Variants in LRRTM4 observed in about 807,000 individuals in gnomAD.
LRRTM4 encodes leucine-rich repeat transmembrane neuronal protein 4.
In LRRTM4, 25 loss-of-function variants were observed where a neutral mutation model predicts 47.6. The observed-to-expected ratio is 0.53, with a 90% CI of 0.38 to 0.73. LRRTM4 has a LOEUF of 0.73. LRRTM4 is among the 30% of genes least tolerant of loss of function. LRRTM4 has a pLI of 0.00. For synonymous variants in LRRTM4, 311 were observed against 269.5 expected (o/e 1.15, Z -1.51); for missense variants, 638 against 713.4 (o/e 0.89, Z 1.20).
intron 3 of LRRTM4, among the ~76,000 whole-genome samples, chr2:76,959,763 G>A (rs925214926): frequency 6.6e-6 from 1 of 151,658 alleles, no homozygotes; most frequent in Non-Finnish European, 1.5e-5. Context: ...GATTATAATG[G>A]TGAGTAGCAA....
intron 3 of LRRTM4, among the ~76,000 whole-genome samples, chr2:77,465,406 G>A (rs1023033715): frequency 3.3e-5 from 5 of 152,066 alleles, no homozygotes; most frequent in African/African-American, 7.2e-5. Flanking sequence ...TTGACACAGC[G>A]TTTCCCCATT....
In LRRTM4 at chr2:76,803,168, C is replaced by G. The variant is rs375547748; in HGVS notation, c.1552-54252G>C. 2.6e-5 allele frequency among the ~76,000 whole-genome samples: 4 copies of G among 152,064 alleles called. No individual in the cohort carries two copies. In the East Asian group the frequency reaches 7.7e-4, roughly 29 times the overall value. ...CAGGGACAGAGTGAAGGGACAATCT[C>G]CAGGATAAAAGTATTTGCAAACCAC... is the stretch of plus-strand genomic sequence containing the variant. On this transcript the variant is annotated intron_variant, in intron 3 of 3. Coordinates refer to ENST00000409884, the MANE Select transcript of LRRTM4 (RefSeq NM_001134745.3).
intron 3 of LRRTM4, among the ~76,000 whole-genome samples, chr2:77,321,665 A>G (rs1207840832): frequency 1.3e-5 from 2 of 152,096 alleles, no homozygotes; most frequent in African/African-American, 2.4e-5. Flanking sequence ...CATATTTTAT[A>G]TTAGATAGAT....
intron 3 of LRRTM4, among the ~76,000 whole-genome samples, chr2:77,373,083 A>AT (rs1247066220): frequency 5.9e-4 from 78 of 131,944 alleles, no homozygotes; most frequent in African/African-American, 1.9e-3. Context: ...AACAATTAAA[A>AT]AAAAAATATA....
chr2:76,792,620 T>G (rs1276543059), intron 3 of LRRTM4, among the ~76,000 whole-genome samples: 1 of 152,112 alleles, frequency 6.6e-6, no homozygotes, highest in Non-Finnish European at 1.5e-5. Context: ...GAAGCTGCTT[T>G]ATGGGTAGTA....
intron 3 of LRRTM4, among the ~76,000 whole-genome samples, chr2:77,255,720 C>T (rs1675747350): frequency 6.6e-6 from 1 of 151,910 alleles, no homozygotes; most frequent in Non-Finnish European, 1.5e-5. Flanking sequence ...ATACATTTAA[C>T]TGAATAAAAA....
rs140426859 is a variant in LRRTM4, at chr2:76,977,557, A to G, written c.1552-228641T>C. Among the ~76,000 whole-genome samples, 1,046 of 152,068 alleles carry G rather than the reference A, an allele frequency of 6.9e-3. 27 individuals carry two copies. Among genetic ancestry groups the G allele is most frequent in the South Asian group, 0.068 (327 of 4,826 alleles). The stretch of plus-strand genomic sequence containing the variant: ...CTTGAACCAGAAGCCTGTGATTTCC[A>G]AGGTATCTAAAGTTACCTCTCAATG... On this transcript the variant is annotated intron_variant, in intron 3 of 3. Coordinates refer to ENST00000409884, the MANE Select transcript of LRRTM4 (RefSeq NM_001134745.3).
At chr2:77,029,238 G>A (rs953696975) in intron 3 of LRRTM4, among the ~76,000 whole-genome samples, 2 of 151,804 alleles carry the variant, frequency 1.3e-5, no homozygotes, top group Non-Finnish European at 2.9e-5. Context: ...ATATATGAAT[G>A]GGAGTTTATT....
intron 3 of LRRTM4, among the ~76,000 whole-genome samples, chr2:77,125,510 G>A (rs13412725): frequency 0.61 from 91,873 of 151,848 alleles, 28,837 homozygotes; most frequent in African/African-American, 0.77. Flanking sequence ...AACCTCCTTT[G>A]TCATTAGGAT....
At chr2:77,410,369 C>T (rs915236821) in intron 3 of LRRTM4, among the ~76,000 whole-genome samples, 4 of 152,236 alleles carry the variant, frequency 2.6e-5, no homozygotes, top group African/African-American at 7.2e-5. Flanking sequence ...CCTGAAATAG[C>T]TCCCACACTG....
intron 3 of LRRTM4, among the ~76,000 whole-genome samples, chr2:77,374,428 G>A (rs945671639): frequency 1.3e-5 from 2 of 151,694 alleles, no homozygotes; most frequent in Non-Finnish European, 2.9e-5. Flanking sequence ...TTTCACTGTA[G>A]ACAGATATTG....
chr2:76,953,935 C>G (rs1675579878), intron 3 of LRRTM4, among the ~76,000 whole-genome samples: 1 of 151,742 alleles, frequency 6.6e-6, no homozygotes, highest in Non-Finnish European at 1.5e-5. Context: ...CAGACAGACA[C>G]CAGAGAGAGC....
chr2:76,989,689 T>C (rs199774320), intron 3 of LRRTM4: 1 of 106,398 alleles, frequency 9.4e-6, no homozygotes, highest in Non-Finnish European at 1.9e-5. Context: ...GTGTTATTGT[T>C]ACATTTAAAA....
intron 3 of LRRTM4, among the ~76,000 whole-genome samples, chr2:77,512,640 C>CA (rs1452215425): frequency 6.6e-6 from 1 of 152,056 alleles, no homozygotes; most frequent in African/African-American, 2.4e-5. Context: ...ACCAAGTCCC[C>CA]AGTGAAAATA....
intron 3 of LRRTM4, among the ~76,000 whole-genome samples, chr2:76,813,766 G>A (rs1670815955): frequency 2.0e-5 from 3 of 152,026 alleles, no homozygotes; most frequent in Admixed American, 2.0e-4. Flanking sequence ...ACCTTTTTAA[G>A]AATAGTTTTA....
At chr2:76,873,539 A>T (rs1672698792) in intron 3 of LRRTM4, among the ~76,000 whole-genome samples, 1 of 95,664 alleles carries the variant, frequency 1.0e-5, no homozygotes, top group Admixed American at 1.3e-4. Context: ...TATATACAAC[A>T]TAGTTGTAAA....
In LRRTM4 at chr2:77,008,327, G is replaced by A. The variant is rs148786085; in HGVS notation, c.1552-259411C>T. ...TCTAACCTTTATTTCTCTGATAATT[G>A]TAATATGTATTTTTTTAAATAAATT... On this transcript the variant is annotated intron_variant, in intron 3 of 3. Coordinates refer to ENST00000409884, the MANE Select transcript of LRRTM4 (RefSeq NM_001134745.3). Among the ~76,000 whole-genome samples, 326 of 152,170 alleles carry A rather than the reference G, an allele frequency of 2.1e-3. 1 individual carries two copies. The highest frequency in any genetic ancestry group is 7.7e-3 in the African/African-American group (318 of 41,512).
chr2:77,025,190 A>T (rs1010994913), intron 3 of LRRTM4, among the ~76,000 whole-genome samples: 1 of 152,190 alleles, frequency 6.6e-6, no homozygotes, highest in African/African-American at 2.4e-5. Context: ...GAGATCACAT[A>T]TATTTAGCTG....
chr2:76,927,959 C>T (rs1324491453), intron 3 of LRRTM4, among the ~76,000 whole-genome samples: 1 of 152,042 alleles, frequency 6.6e-6, no homozygotes, highest in Non-Finnish European at 1.5e-5. Flanking sequence ...GTTCTTAAAG[C>T]GCAATTACAC....
Sources: gnomAD v4.1 joint callset for allele counts (sites outside exome capture counted in the v4.1 genomes callset) on GRCh38, gnomAD v4.1.1 for gene constraint, MANE v1.5 for transcripts, NCBI Gene and HGNC (gene_info 2026-07-23, HGNC 2026-07-21) for gene names.